Variants in CORO1B observed in about 807,000 individuals in gnomAD.
CORO1B encodes coronin 1B.
In CORO1B, 30 loss-of-function variants were observed where a neutral mutation model predicts 51.1. The ratio of observed to expected loss-of-function variants is 0.59; its 90% CI spans 0.44 to 0.80. The LOEUF (loss-of-function observed/expected upper bound fraction) is 0.80, where lower values mean the gene tolerates loss of function less well. Ranked by LOEUF, CORO1B falls within the 30% of genes least tolerant of loss-of-function variation. The probability of loss-of-function intolerance (pLI) is 0.00; values close to 1 mark genes in which losing one functional copy is unlikely to be tolerated. For missense variants in CORO1B, 648 were observed against 700.4 expected, an observed-to-expected ratio of 0.93 and a Z score of 0.84; for synonymous variants, 310 against 289.7, an observed-to-expected ratio of 1.07 and a Z score of -0.71.
intron 2 of CORO1B, 45 bp downstream of exon 2, chr11:67,442,383 G>A (rs750933622): frequency 2.5e-6 from 4 of 1,586,544 alleles, no homozygotes; most frequent in Non-Finnish European, 2.6e-6. Flanking sequence ...GCCCAGTAGG[G>A]GTGGCCGAGG....
Position 67,436,298 on chromosome 11 carries a change from A to C in CORO1B, c.*2078T>G. Reference sequence around the variant, plus strand: ...GTCCTCCGCGCTGCCACCCGAGCCCAAGGCCCCTGGCAGGGCCAGCAGCAT... The same window carrying C: ...GTCCTCCGCGCTGCCACCCGAGCCCCAGGCCCCTGGCAGGGCCAGCAGCAT... On this transcript the variant is annotated 3_prime_UTR_variant, in exon 11 of 11. Coordinates refer to ENST00000341356, the MANE Select transcript of CORO1B (RefSeq NM_020441.3). 3 of 1,529,952 alleles carry C rather than the reference A, an allele frequency of 2.0e-6. No homozygotes were observed. Among genetic ancestry groups the C allele is most frequent in the Non-Finnish European group, 2.6e-6 (3 of 1,141,772 alleles). The allele number at this position is 1,529,952 out of a possible 1,614,324, so 94.8% of individuals were successfully genotyped here. A position where few individuals can be genotyped will look rare whatever the true frequency, so the allele number is the denominator to read the frequency against.
upstream of CORO1B, chr11:67,443,604 G>T (rs1161479315): frequency 4.3e-6 from 3 of 699,048 alleles, no homozygotes; most frequent in Non-Finnish European, 5.3e-6. Context: ...GGCCGGGAGC[G>T]GGGCCGCCGG....
chr11:67,442,071 C>T lies in CORO1B; in HGVS notation c.219G>A (p.Lys73=). ...LPLSKTGRID[K]AYPTVCGHTG... is the part of the protein sequence containing the mutation. ...TGTGCCCACACACCGTCGGGTAGGCCTTGTCAATGCGGCCCGTCTGTGGGC... is the reference window on the plus strand; with the variant it reads ...TGTGCCCACACACCGTCGGGTAGGCTTTGTCAATGCGGCCCGTCTGTGGGC... Residue 73 remains lysine (K), a synonymous_variant, in exon 3 of 11, where the codon AAG becomes AAA. Coordinates refer to ENST00000341356, the MANE Select transcript of CORO1B (RefSeq NM_020441.3). 6.2e-7 allele frequency: 1 copy of T among 1,611,988 alleles called. No homozygotes were observed. Among genetic ancestry groups the T allele is most frequent in the South Asian group, 1.1e-5 (1 of 91,076 alleles).
rs2135132842 is a variant in CORO1B, at chr11:67,435,583, C to T, written c.*2793G>A. ...TGGGGGGGGCCGTTCCCGTGGTGAG[C>T]GGGGTACACATGGACTTGGGAACTG... On this transcript the variant is annotated 3_prime_UTR_variant, in exon 11 of 11. Coordinates refer to ENST00000341356, the MANE Select transcript of CORO1B (RefSeq NM_020441.3). 9 of 1,212,282 alleles carry T rather than the reference C, an allele frequency of 7.4e-6. No homozygotes were observed. The highest frequency in any genetic ancestry group is 2.7e-4 in the Middle Eastern group (1 of 3,718). The allele number at this position is 1,212,282 out of a possible 1,614,324, so 75.1% of individuals were successfully genotyped here. A position where few individuals can be genotyped will look rare whatever the true frequency, so the allele number is the denominator to read the frequency against.
Position 67,437,781 on chromosome 11 carries a change from C to G in CORO1B, c.*595G>C. On this transcript the variant is annotated 3_prime_UTR_variant, in exon 11 of 11. Coordinates refer to ENST00000341356, the MANE Select transcript of CORO1B (RefSeq NM_020441.3). ...CCTGCTGCAGGACCCCTGGTCCACA[C>G]CAGACCCTCCCCAGTCTCTCTGGAG... The G allele has an allele frequency of 1.5e-6, 1 of 652,224 alleles. No homozygotes were observed. Among genetic ancestry groups the G allele is most frequent in the Non-Finnish European group, 2.2e-6 (1 of 448,092 alleles). The allele number at this position is 652,224 out of a possible 1,614,324, so 40.4% of individuals were successfully genotyped here.
At chr11:67,440,719 G>C (rs1459761521) in intron 6 of CORO1B, 1 of 655,776 alleles carries the variant, frequency 1.5e-6, no homozygotes. Flanking sequence ...TGGGGAGCTG[G>C]GGTGCCAGCG....
chr11:67,439,953 C>T, intron 8 of CORO1B, 110 bp from the exon 9 acceptor site: 1 of 1,448,596 alleles, frequency 6.9e-7, no homozygotes, highest in Middle Eastern at 2.3e-4. Flanking sequence ...CCTCCGCAGG[C>T]CGACCCCTAA....
chr11:67,439,784 A>T lies in CORO1B; in HGVS notation c.1065+2T>A, dbSNP rs113031617. On this transcript the variant is annotated splice_donor_variant, in intron 9 of 10. Transcript: ENST00000341356. LOFTEE classifies it high-confidence loss of function. ...AGTGAGCCGAGGGACGGGCGGCCTC[A>T]CCTTTCTTGGCACAGTCATGACGAT... The T allele has an allele frequency of 5.0e-6, 8 of 1,586,000 alleles. No individual in the cohort carries two copies. The highest frequency in any genetic ancestry group is 6.9e-6 in the Non-Finnish European group (8 of 1,166,544).
At chr11:67,440,931 G>A in intron 6 of CORO1B, 194 bp downstream of exon 6, 1 of 730,140 alleles carries the variant, frequency 1.4e-6, no homozygotes, top group Non-Finnish European at 2.3e-6. Flanking sequence ...GCAGTGGGAG[G>A]CCATGGGGGA....
chr11:67,437,758 T>A lies in CORO1B; in HGVS notation c.*618A>T, dbSNP rs547335865. ...CCCACATACCCCACCTGCCCCTCCC[T>A]GCTGCAGGACCCCTGGTCCACACCA... On this transcript the variant is annotated 3_prime_UTR_variant, in exon 11 of 11. Coordinates refer to ENST00000341356, the MANE Select transcript of CORO1B (RefSeq NM_020441.3). The A allele has an allele frequency of 3.1e-4, 287 of 922,250 alleles. No homozygotes were observed. Among genetic ancestry groups the A allele is most frequent in the Non-Finnish European group, 3.8e-4 (261 of 683,556 alleles). The allele number at this position is 922,250 out of a possible 1,614,324, so 57.1% of individuals were successfully genotyped here.
chr11:67,438,295 G>T lies in CORO1B; in HGVS notation c.*81C>A. On this transcript the variant is annotated 3_prime_UTR_variant, in exon 11 of 11. Coordinates refer to ENST00000341356, the MANE Select transcript of CORO1B (RefSeq NM_020441.3). ...CTGCCTCAGAGGCTCTGGGCAGCCA[G>T]CTAGCCCGGTGCGACCCGCTGGCAG... 1 of 1,529,844 alleles carries T rather than the reference G, an allele frequency of 6.5e-7. No individual in the cohort carries two copies. Among genetic ancestry groups the T allele is most frequent in the Non-Finnish European group, 8.8e-7 (1 of 1,136,882 alleles). The allele number at this position is 1,529,844 out of a possible 1,614,324, so 94.8% of individuals were successfully genotyped here. A position where few individuals can be genotyped will look rare whatever the true frequency, so the allele number is the denominator to read the frequency against.
chr11:67,440,309 C>T, intron 7 of CORO1B, 26 bp downstream of exon 7: 2 of 1,612,904 alleles, frequency 1.2e-6, no homozygotes, highest in South Asian at 1.1e-5. Flanking sequence ...TCTTCCCTGC[C>T]CCTCGCCAGC....
rs773146403 is a variant in CORO1B at position 67,440,300 on chromosome 11, C to T, written c.861+35G>A. 25 of 1,612,594 alleles carry T rather than the reference C, an allele frequency of 1.6e-5. No individual in the cohort carries two copies. In the South Asian group the frequency reaches 2.7e-4, roughly 18 times the overall value. On this transcript the variant is annotated intron_variant, in intron 7 of 10. Coordinates refer to ENST00000341356, the MANE Select transcript of CORO1B (RefSeq NM_020441.3). ...GGGGGCTCAGCACCTGGGCACGCCT[C>T]TTCCCTGCCCCTCGCCAGCCCTGCC...
At position 67,437,627 on chromosome 11, in the gene CORO1B, C is replaced by G. The variant is rs750726419; in HGVS notation, c.*749G>C. On this transcript the variant is annotated 3_prime_UTR_variant, in exon 11 of 11. Transcript: ENST00000341356. The stretch of plus-strand genomic sequence containing the variant: ...GGCTCCGAGGCTTACCATTGGTCCG[C>G]AGGCCCCTCCGTGCCGGGCACCCAC... The G allele has an allele frequency of 5.9e-6, 8 of 1,366,190 alleles. No individual in the cohort carries two copies. In the East Asian group the frequency reaches 1.7e-4, roughly 28 times the overall value. 84.6% of individuals were successfully genotyped at this position (1,366,190 alleles called of 1,614,324 possible). A position where few individuals can be genotyped will look rare whatever the true frequency, so the allele number is the denominator to read the frequency against.
At chr11:67,438,636 G>T in intron 10 of CORO1B, 35 bp downstream of exon 10, 2 of 1,513,800 alleles carry the variant, frequency 1.3e-6, no homozygotes, top group Non-Finnish European at 1.8e-6. Context: ...CCACACCTGG[G>T]GCTCCCAGCA....
At position 67,438,250 on chromosome 11, in the gene CORO1B, G is replaced by A. The variant is rs898379144; in HGVS notation, c.*126C>T. 7 of 1,234,236 alleles carry A rather than the reference G, an allele frequency of 5.7e-6. No homozygotes were observed. The African/African-American group carries it at 7.5e-5, about 13-fold the overall frequency. 76.5% of individuals were successfully genotyped at this position (1,234,236 alleles called of 1,614,324 possible). On this transcript the variant is annotated 3_prime_UTR_variant, in exon 11 of 11. Transcript: ENST00000341356. ...TCGGCCTGGGCCTGGGACGGGTGGG[G>A]GTGGGAACTGACCCCTGCGCTGCCT...
At chr11:67,441,288 T>A (rs1201737103) in intron 5 of CORO1B, 44 bp from the exon 6 acceptor site, 2 of 1,612,716 alleles carry the variant, frequency 1.2e-6, no homozygotes, top group African/African-American at 2.7e-5. Context: ...CTGCTCAAGG[T>A]CCTGGGCCTA....
At chr11:67,439,918 TCCA>T in intron 8 of CORO1B, 75 bp from the exon 9 acceptor site, 1 of 1,292,146 alleles carries the variant, frequency 7.7e-7, no homozygotes. Flanking sequence ...CCTGGCATCC[TCCA>T]CTTCCAGTCC....
At position 67,436,292 on chromosome 11, in the gene CORO1B, G is replaced by T; in HGVS notation, c.*2084C>A. On this transcript the variant is annotated 3_prime_UTR_variant, in exon 11 of 11. Coordinates refer to ENST00000341356, the MANE Select transcript of CORO1B (RefSeq NM_020441.3). Reference sequence around the variant, plus strand: ...CACGCTGTCCTCCGCGCTGCCACCCGAGCCCAAGGCCCCTGGCAGGGCCAG... The same window carrying T: ...CACGCTGTCCTCCGCGCTGCCACCCTAGCCCAAGGCCCCTGGCAGGGCCAG... 2 of 1,532,730 alleles carry T rather than the reference G, an allele frequency of 1.3e-6. No individual in the cohort carries two copies. The highest frequency in any genetic ancestry group is 4.9e-5 in the East Asian group (2 of 41,044). The allele number at this position is 1,532,730 out of a possible 1,614,324, so 94.9% of individuals were successfully genotyped here. A position where few individuals can be genotyped will look rare whatever the true frequency, so the allele number is the denominator to read the frequency against.
Sources: gnomAD v4.1 joint callset for allele counts on GRCh38, gnomAD v4.1.1 for gene constraint, MANE v1.5 for transcripts, NCBI Gene and HGNC (gene_info 2026-07-23, HGNC 2026-07-21) for gene names.